Variants in PARPBP observed in about 807,000 individuals in gnomAD.
PARPBP encodes PCNA-interacting partner.
A neutral mutation model predicts 50.0 loss-of-function variants in PARPBP; 52 were observed. That is an observed-to-expected ratio of 1.04 (90% CI 0.83 to 1.31). The LOEUF is 1.31. Ranked by LOEUF, PARPBP falls within the 50% of genes most tolerant of loss-of-function variation. The pLI is 0.00. For missense variants in PARPBP, 697 were observed against 672.0 expected (o/e 1.04, Z -0.41); for synonymous variants, 244 against 232.1 (o/e 1.05, Z -0.47).
intron 5 of PARPBP, 62 bp downstream of exon 5, chr12:102,164,670 T>C (rs1257060005): frequency 2.2e-6 from 3 of 1,367,004 alleles, no homozygotes; most frequent in Non-Finnish European, 3.1e-6. Flanking sequence ...TGTATCCTAA[T>C]ATGCTTGTAA....
intron 3 of PARPBP, chr12:102,151,761 G>A: frequency 6.5e-7 from 1 of 1,535,658 alleles, no homozygotes; most frequent in Non-Finnish European, 8.7e-7. Context: ...TCCAGAAGAA[G>A]AGACGAGACC....
intron 9 of PARPBP, among the ~76,000 whole-genome samples, chr12:102,193,700 A>C (rs1184865549): frequency 1.3e-5 from 2 of 152,054 alleles, no homozygotes; most frequent in African/African-American, 2.4e-5. Flanking sequence ...ACTTATTTAA[A>C]TAGGTTTATC....
At chr12:102,150,028 C>T (rs1006020213) in intron 3 of PARPBP, among the ~76,000 whole-genome samples, 3 of 152,194 alleles carry the variant, frequency 2.0e-5, no homozygotes, top group Admixed American at 6.5e-5. Context: ...TTCTATTCCT[C>T]GCCCTTGTCT....
rs1891348156 is a variant in PARPBP, at chr12:102,196,772, G to T, written c.*481G>T. The stretch of plus-strand genomic sequence containing the variant: ...CACACAAAATTTATTAAGAAAAAAA[G>T]AATGGATCTAGTATAACTAATTCTG... On this transcript the variant is annotated 3_prime_UTR_variant, in exon 11 of 11. Transcript: ENST00000327680. 1 of 1,247,870 alleles carries T rather than the reference G, an allele frequency of 8.0e-7. No individual in the cohort carries two copies. Among genetic ancestry groups the T allele is most frequent in the South Asian group, 1.2e-5 (1 of 81,618 alleles). 77.3% of individuals were successfully genotyped at this position (1,247,870 alleles called of 1,614,324 possible).
At chr12:102,180,612 G>A (rs1055527118) in intron 8 of PARPBP, among the ~76,000 whole-genome samples, 5 of 152,162 alleles carry the variant, frequency 3.3e-5, no homozygotes, top group African/African-American at 1.2e-4. Context: ...CTGAGGTGGT[G>A]CATGCCTGTA....
intron 9 of PARPBP, among the ~76,000 whole-genome samples, chr12:102,193,066 A>G (rs1890945043): frequency 1.3e-5 from 2 of 151,658 alleles, no homozygotes. Flanking sequence ...TCAGGAATCC[A>G]TTGCCTTGTG....
At chr12:102,164,961 C>A (rs78987279) in intron 5 of PARPBP, among the ~76,000 whole-genome samples, 320 of 152,212 alleles carry the variant, frequency 2.1e-3, no homozygotes, top group African/African-American at 7.3e-3. Context: ...TATACATAAT[C>A]CATGATTGTA....
chr12:102,134,839 G>C (rs1883383645), intron 2 of PARPBP, among the ~76,000 whole-genome samples: 1 of 152,012 alleles, frequency 6.6e-6, no homozygotes. Flanking sequence ...ACCATGCCCA[G>C]CTAATTCTTT....
At position 102,196,961 on chromosome 12, in the gene PARPBP, A is replaced by G; in HGVS notation, c.*670A>G. ...TAGGATGTAAGAATTGAATTTTGAA[A>G]AGACTACTCACTGTCAAAATCTCTC... On this transcript the variant is annotated 3_prime_UTR_variant, in exon 11 of 11. Coordinates refer to ENST00000327680, the MANE Select transcript of PARPBP (RefSeq NM_017915.5). The G allele has an allele frequency of 6.3e-7, 1 of 1,598,488 alleles. No individual in the cohort carries two copies. Among genetic ancestry groups the G allele is most frequent in the Non-Finnish European group, 8.6e-7 (1 of 1,167,382 alleles).
chr12:102,151,571 G>A, intron 3 of PARPBP: 4 of 1,534,812 alleles, frequency 2.6e-6, no homozygotes, highest in Non-Finnish European at 3.5e-6. Flanking sequence ...ACCTGGCAGG[G>A]GTCAACTATA....
chr12:102,151,338 G>A (rs962782120), intron 3 of PARPBP, among the ~76,000 whole-genome samples: 2 of 152,182 alleles, frequency 1.3e-5, no homozygotes, highest in African/African-American at 4.8e-5. Context: ...GGCAGAGGGT[G>A]CTGCAACTAC....
At chr12:102,163,848 C>T (rs1053215445) in intron 4 of PARPBP, among the ~76,000 whole-genome samples, 1 of 152,130 alleles carries the variant, frequency 6.6e-6, no homozygotes, top group African/African-American at 2.4e-5. Flanking sequence ...ATTCATTGAA[C>T]ATATTTCCTG....
chr12:102,131,412 A>G (rs967061808), intron 2 of PARPBP, among the ~76,000 whole-genome samples: 1 of 152,188 alleles, frequency 6.6e-6, no homozygotes, highest in Non-Finnish European at 1.5e-5. Flanking sequence ...TAGTTCAACC[A>G]TTGTGTAAAG....
chr12:102,126,207 T>C (rs1881966111), intron 2 of PARPBP, among the ~76,000 whole-genome samples: 1 of 152,130 alleles, frequency 6.6e-6, no homozygotes, highest in African/African-American at 2.4e-5. Flanking sequence ...TGGACTCTCC[T>C]TTGTCTTTCA....
chr12:102,149,713 A>G (rs1399048695), intron 3 of PARPBP, among the ~76,000 whole-genome samples: 1 of 152,232 alleles, frequency 6.6e-6, no homozygotes, highest in African/African-American at 2.4e-5. Context: ...GGATATTGGC[A>G]GGCAGCTTGC....
chr12:102,124,390 C>T (rs949914425), intron 2 of PARPBP, among the ~76,000 whole-genome samples: 1 of 152,124 alleles, frequency 6.6e-6, no homozygotes, highest in Non-Finnish European at 1.5e-5. Flanking sequence ...ACTACTGGCT[C>T]TTGTACCCCA....
In PARPBP at chr12:102,196,777, G is replaced by A; in HGVS notation, c.*486G>A. ...AAAATTTATTAAGAAAAAAAGAATG[G>A]ATCTAGTATAACTAATTCTGAGTAA... On this transcript the variant is annotated 3_prime_UTR_variant, in exon 11 of 11. Transcript: ENST00000327680. 1 of 1,221,286 alleles carries A rather than the reference G, an allele frequency of 8.2e-7. No individual in the cohort carries two copies. Among genetic ancestry groups the A allele is most frequent in the Non-Finnish European group, 1.2e-6 (1 of 830,132 alleles). The allele number at this position is 1,221,286 out of a possible 1,614,324, so 75.7% of individuals were successfully genotyped here. A position where few individuals can be genotyped will look rare whatever the true frequency, so the allele number is the denominator to read the frequency against.
rs115185498 is a variant in PARPBP, at chr12:102,143,660, C to T, written c.154-4570C>T. ...TTATAGATTCATTGAGGACTTTTGA[C>T]GTCATTATATGGCGAATGTATATGA... On this transcript the variant is annotated intron_variant, in intron 2 of 10. Coordinates refer to ENST00000327680, the MANE Select transcript of PARPBP (RefSeq NM_017915.5). Among the ~76,000 whole-genome samples the T allele has an allele frequency of 7.9e-3, 1,198 of 152,256 alleles. 19 individuals are homozygous for T. The highest frequency in any genetic ancestry group is 0.027 in the African/African-American group (1,112 of 41,546).
At chr12:102,154,636 C>G (rs1310130601) in intron 4 of PARPBP, among the ~76,000 whole-genome samples, 1 of 152,094 alleles carries the variant, frequency 6.6e-6, no homozygotes, top group Non-Finnish European at 1.5e-5. Flanking sequence ...ATTTAACCCT[C>G]TATAATGTGG....
Sources: gnomAD v4.1 joint callset for allele counts (sites outside exome capture counted in the v4.1 genomes callset) on GRCh38, gnomAD v4.1.1 for gene constraint, MANE v1.5 for transcripts, NCBI Gene and HGNC (gene_info 2026-07-23, HGNC 2026-07-21) for gene names.